FCHO2: variants seen among roughly 807,000 people sequenced by gnomAD.
FCHO2 encodes F-BAR domain only protein 2.
Under a neutral mutation model 114.1 loss-of-function variants are expected in FCHO2, and 43 were observed. The ratio of observed to expected loss-of-function variants is 0.38; its 90% confidence interval spans 0.30 to 0.49. FCHO2 has a LOEUF of 0.49. Among genes scored for constraint, FCHO2 ranks in the 20% least tolerant of loss-of-function variants. The pLI, the probability that FCHO2 is intolerant of heterozygous loss-of-function variation, is 0.97. For synonymous variants in FCHO2, 293 were observed against 315.2 expected, an observed-to-expected ratio of 0.93 and a Z score of 0.75; for missense variants, 807 against 950.4, an observed-to-expected ratio of 0.85 and a Z score of 1.98.
chr5:72,970,865 A>G (rs1360278813), intron 2 of FCHO2, among the ~76,000 whole-genome samples: 2 of 151,992 alleles, frequency 1.3e-5, no homozygotes, highest in Non-Finnish European at 2.9e-5. Context: ...CGCAACCCAC[A>G]ACAGTCCCCA....
rs548074730 is a variant in FCHO2 at position 72,979,671 on chromosome 5, G to A, written c.126-9756G>A. On this transcript the variant is annotated intron_variant, in intron 2 of 25. Transcript: ENST00000430046. ...CTCCCAAAGTGCTGGGATTACAGGC[G>A]TGAGCCACCGCGCCCGGCCGAATTT... Among the ~76,000 whole-genome samples the A allele has an allele frequency of 7.2e-5, 11 of 152,118 alleles. No homozygotes were observed. In the South Asian group the frequency reaches 1.5e-3, roughly 20 times the overall value.
chr5:73,074,404 C>A lies in FCHO2; in HGVS notation c.1580-338C>A, dbSNP rs575573322. Among the ~76,000 whole-genome samples, 4 of 151,990 alleles carry A rather than the reference C, an allele frequency of 2.6e-5. No homozygotes were observed. In the South Asian group the frequency reaches 6.2e-4, roughly 24 times the overall value. ...GCCCTGAAGTATATGATTGATAGAA[C>A]CTGGAGGAATTTGGTATTTGAATGT... On this transcript the variant is annotated intron_variant, in intron 19 of 25. Transcript: ENST00000430046.
At position 73,015,738 on chromosome 5, in the gene FCHO2, CT is replaced by C; in HGVS notation, c.699+17del. 1 of 1,496,124 alleles carries C rather than the reference CT, an allele frequency of 6.7e-7. No individual in the cohort carries two copies. The highest frequency in any genetic ancestry group is 9.0e-7 in the Non-Finnish European group (1 of 1,110,604). 92.7% of individuals were successfully genotyped at this position (1,496,124 alleles called of 1,614,324 possible). On this transcript the variant is annotated intron_variant, in intron 7 of 25. Transcript: ENST00000430046. ...CAGATAGGCCAGGTAAGTTTTTTTA[CT>C]TTATGTTGAACTATTCATGAAAAAT...
chr5:73,066,280 C>T (rs1742319686), intron 18 of FCHO2, among the ~76,000 whole-genome samples: 1 of 151,828 alleles, frequency 6.6e-6, no homozygotes, highest in Non-Finnish European at 1.5e-5. Context: ...TAAGTGGCTA[C>T]AGAGTATTTC....
intron 7 of FCHO2, 102 bp downstream of exon 7, chr5:73,015,826 A>G: frequency 1.8e-6 from 1 of 560,196 alleles, no homozygotes. Context: ...TAAGTATAAT[A>G]CCGAATTTTT....
chr5:72,970,036 C>T lies in FCHO2; in HGVS notation c.125+1447C>T, dbSNP rs76098921. Among the ~76,000 whole-genome samples the T allele has an allele frequency of 1.6e-3, 239 of 152,292 alleles. 6 individuals carry two copies. In the East Asian group the frequency reaches 0.042, roughly 27 times the overall value. ...TTTTGCCTGAACTTCAGCAGTAGCT[C>T]GTAACTGCTCTATCTACAGTTGTTC... On this transcript the variant is annotated intron_variant, in intron 2 of 25. Transcript: ENST00000430046.
At chr5:73,061,007 CA>C (rs202006082) in intron 17 of FCHO2, among the ~76,000 whole-genome samples, 2,547 of 129,382 alleles carry the variant, frequency 0.02, 28 homozygotes, top group Middle Eastern at 0.048. Context: ...CTTGTGCTCA[CA>C]AAAAAAAAAA....
chr5:73,050,310 T>C (rs1320544552), intron 11 of FCHO2, among the ~76,000 whole-genome samples: 3 of 150,366 alleles, frequency 2.0e-5, no homozygotes, highest in African/African-American at 4.9e-5. Flanking sequence ...ATTTATTTAT[T>C]TATTTATTTA....
At chr5:72,962,770 G>C (rs929511937) in intron 1 of FCHO2, among the ~76,000 whole-genome samples, 5 of 152,054 alleles carry the variant, frequency 3.3e-5, no homozygotes, top group South Asian at 2.1e-4. Context: ...GTGCGAACCT[G>C]TAGTCCCAGC....
chr5:73,009,541 T>TTTTG (rs964656422), intron 6 of FCHO2, among the ~76,000 whole-genome samples: 1 of 152,188 alleles, frequency 6.6e-6, no homozygotes, highest in Non-Finnish European at 1.5e-5. Flanking sequence ...TTTGTTTGTT[T>TTTTG]TTTGTTGTTT....
chr5:72,994,224 T>G (rs1397337452), intron 5 of FCHO2, among the ~76,000 whole-genome samples: 1 of 152,202 alleles, frequency 6.6e-6, no homozygotes, highest in Admixed American at 6.5e-5. Context: ...AGAAAATGTT[T>G]GCAAACTATG....
At chr5:72,997,696 C>G in intron 5 of FCHO2, 2 of 1,543,928 alleles carry the variant, frequency 1.3e-6, no homozygotes, top group Non-Finnish European at 1.8e-6. Context: ...GGAGGGCGAG[C>G]CCTTGGGATA....
At chr5:73,081,361 C>T (rs1454617072) in intron 22 of FCHO2, among the ~76,000 whole-genome samples, 6 of 152,166 alleles carry the variant, frequency 3.9e-5, no homozygotes, top group Admixed American at 6.5e-5. Context: ...TGTGGTACTA[C>T]GTGGTGACCT....
At chr5:73,004,776 TAGAG>T (rs886717828) in intron 5 of FCHO2, among the ~76,000 whole-genome samples, 11 of 152,040 alleles carry the variant, frequency 7.2e-5, no homozygotes, top group East Asian at 1.9e-4. Flanking sequence ...GTAGAATATT[TAGAG>T]AGAGAGAGAC....
At position 72,960,483 on chromosome 5, in the gene FCHO2, A is replaced by AAAC. The variant is rs202104685; in HGVS notation, c.33+4357_33+4359dup. Among the ~76,000 whole-genome samples the AAAC allele has an allele frequency of 6.8e-3, 1,038 of 152,256 alleles. 51 individuals carry two copies. The highest frequency in any genetic ancestry group is 0.066 in the Admixed American group (1,004 of 15,276). On this transcript the variant is annotated intron_variant, in intron 1 of 25. Transcript: ENST00000430046. ...TCACACCATTGCTTTTAATATGTAA[A>AAAC]AACAATTGTTTTTTATCTTTATTTT... is the stretch of plus-strand genomic sequence containing the variant.
At chr5:72,980,972 T>A (rs1366637655) in intron 2 of FCHO2, among the ~76,000 whole-genome samples, 1 of 152,198 alleles carries the variant, frequency 6.6e-6, no homozygotes, top group Admixed American at 6.5e-5. Context: ...ATGTGTGAAT[T>A]TGCTCCTGTC....
In FCHO2 at chr5:72,956,787, C is replaced by T. The variant is rs77189684; in HGVS notation, c.33+658C>T. On this transcript the variant is annotated intron_variant, in intron 1 of 25. Coordinates refer to ENST00000430046, the MANE Select transcript of FCHO2 (RefSeq NM_138782.3). ...AAATGCATGGAGACCTCCCCCTACT[C>T]TGTGCTCCTTCCCCTTCCTCATTCT... 3.5e-3 allele frequency among the ~76,000 whole-genome samples: 535 copies of T among 152,260 alleles called. 12 individuals carry two copies. Among genetic ancestry groups the T allele is most frequent in the East Asian group, 0.025 (129 of 5,170 alleles).
At chr5:72,976,028 A>G (rs1256379747) in intron 2 of FCHO2, among the ~76,000 whole-genome samples, 1 of 152,170 alleles carries the variant, frequency 6.6e-6, no homozygotes, top group African/African-American at 2.4e-5. Context: ...TATGGAAAGA[A>G]TATGTTTAAT....
intron 11 of FCHO2, among the ~76,000 whole-genome samples, chr5:73,042,740 T>A (rs1756865075): frequency 1.3e-5 from 2 of 152,006 alleles, no homozygotes; most frequent in African/African-American, 4.8e-5. Flanking sequence ...TATATGCAAA[T>A]CAATACAGAA....
Sources: gnomAD v4.1 joint callset for allele counts (sites outside exome capture counted in the v4.1 genomes callset) on GRCh38, gnomAD v4.1.1 for gene constraint, MANE v1.5 for transcripts, NCBI Gene and HGNC (gene_info 2026-07-23, HGNC 2026-07-21) for gene names.